SIPA1L2: variants seen among roughly 807,000 people sequenced by gnomAD.
The protein encoded by SIPA1L2 is signal induced proliferation associated 1 like 2.
Under a neutral mutation model 163.9 loss-of-function variants are expected in SIPA1L2, and 56 were observed. The observed-to-expected ratio is 0.34, with a 90% CI of 0.28 to 0.43. The LOEUF is 0.43. SIPA1L2 is among the 20% of genes least tolerant of loss of function. SIPA1L2 has a pLI of 1.00. For synonymous variants in SIPA1L2, 877 were observed against 865.7 expected (o/e 1.01, Z -0.23); for missense variants, 1,974 against 2,193.5 (o/e 0.90, Z 2.00).
At chr1:232,530,407 C>T (rs1259285266) in intron 2 of SIPA1L2, among the ~76,000 whole-genome samples, 2 of 152,196 alleles carry the variant, frequency 1.3e-5, no homozygotes, top group Non-Finnish European at 2.9e-5. Context: ...AGCCACCGTG[C>T]TGGGCCACCA....
chr1:232,613,696 A>AT (rs1042754470), intron 1 of SIPA1L2, among the ~76,000 whole-genome samples: 2 of 62,448 alleles, frequency 3.2e-5, no homozygotes, highest in South Asian at 1.0e-3. Flanking sequence ...CAAGAACAAA[A>AT]TTTATGTGTG....
intron 7 of SIPA1L2, among the ~76,000 whole-genome samples, chr1:232,474,112 G>A (rs79772287): frequency 2.6e-5 from 4 of 152,206 alleles, no homozygotes; most frequent in African/African-American, 7.2e-5. Context: ...ACAAACGAAC[G>A]CAGGCTGGCA....
chr1:232,403,688 G>T, intron 20 of SIPA1L2, 117 bp from the exon 21 acceptor site: 1 of 1,336,608 alleles, frequency 7.5e-7, no homozygotes, highest in Non-Finnish European at 1.0e-6. Context: ...ACCAGTTACT[G>T]CCTTGTTTTG....
At chr1:232,406,481 T>C (rs777191250) in intron 19 of SIPA1L2, among the ~76,000 whole-genome samples, 2 of 152,246 alleles carry the variant, frequency 1.3e-5, no homozygotes, top group Non-Finnish European at 2.9e-5. Flanking sequence ...ACAAGATGAA[T>C]AGTCAACAGG....
intron 1 of SIPA1L2, among the ~76,000 whole-genome samples, chr1:232,584,327 C>A (rs1367489974): frequency 6.6e-6 from 1 of 152,150 alleles, no homozygotes; most frequent in African/African-American, 2.4e-5. Context: ...CAGGTTCAAG[C>A]GATTCTCCTG....
At chr1:232,489,841 T>C (rs1488458336) in intron 5 of SIPA1L2, among the ~76,000 whole-genome samples, 1 of 152,240 alleles carries the variant, frequency 6.6e-6, no homozygotes, top group African/African-American at 2.4e-5. Context: ...GAGCATGTAC[T>C]GCTCAGTTTC....
chr1:232,616,595 A>G (rs1417603440), intron 1 of SIPA1L2, among the ~76,000 whole-genome samples: 1 of 152,220 alleles, frequency 6.6e-6, no homozygotes, highest in Non-Finnish European at 1.5e-5. Flanking sequence ...CACACGTGTC[A>G]GGTGGAGGAG....
chr1:232,605,879 T>A (rs1661891431), intron 1 of SIPA1L2, among the ~76,000 whole-genome samples: 1 of 152,214 alleles, frequency 6.6e-6, no homozygotes, highest in Admixed American at 6.5e-5. Flanking sequence ...CACACATACG[T>A]GCACTGCCTG....
At chr1:232,552,290 G>C (rs1464030584) in intron 2 of SIPA1L2, among the ~76,000 whole-genome samples, 1 of 152,080 alleles carries the variant, frequency 6.6e-6, no homozygotes, top group African/African-American at 2.4e-5. Context: ...TGGCATTACA[G>C]AATTTTCTTA....
chr1:232,449,297 T>A (rs1663408818), intron 10 of SIPA1L2, among the ~76,000 whole-genome samples: 1 of 151,840 alleles, frequency 6.6e-6, no homozygotes, highest in Non-Finnish European at 1.5e-5. Flanking sequence ...GGTGGGCGGA[T>A]CACGAGGTCA....
rs758507893 is a variant in SIPA1L2 at position 232,445,607 on chromosome 1, C to G, written c.3275G>C (p.Cys1092Ser). The change falls in exon 11 of 23, where the codon TGC (cysteine) becomes TCC (serine). Residue 1092 changes from cysteine (C) to serine (S), a missense_variant. Cys to Ser is a moderately radical substitution (Grantham distance 112). Transcript: ENST00000674635. Reference sequence around the variant, plus strand: ...CTGGGCCTGCTGGAGCAGCTGTTGGCACGGCAGCCGGTCGGGCGTGCCGGG... The same window carrying G: ...CTGGGCCTGCTGGAGCAGCTGTTGGGACGGCAGCCGGTCGGGCGTGCCGGG... ...PIPGTPDRLP[C>S]QQLLQQAQAA... 5.0e-6 allele frequency: 8 copies of G among 1,613,696 alleles called. No individual in the cohort carries two copies. The highest frequency in any genetic ancestry group is 6.8e-6 in the Non-Finnish European group (8 of 1,179,964).
intron 2 of SIPA1L2, among the ~76,000 whole-genome samples, chr1:232,516,280 C>T (rs1311714528): frequency 6.6e-6 from 1 of 152,192 alleles, no homozygotes; most frequent in African/African-American, 2.4e-5. Context: ...GTATCTGATA[C>T]ATCAAATACA....
chr1:232,602,693 G>C (rs1338694304), intron 1 of SIPA1L2, among the ~76,000 whole-genome samples: 1 of 152,178 alleles, frequency 6.6e-6, no homozygotes, highest in East Asian at 1.9e-4. Context: ...CGCAGAAAAT[G>C]CTGGCAGCAA....
rs538672514 is a variant in SIPA1L2 at position 232,602,260 on chromosome 1, G to C, written c.-319+27609C>G. Reference sequence around the variant, plus strand: ...CAAGGAGAGTGGTGTGGGAGGAGAGGGGAGGCTCTGAGGACCTACAGTCCA... The same window carrying C: ...CAAGGAGAGTGGTGTGGGAGGAGAGCGGAGGCTCTGAGGACCTACAGTCCA... On this transcript the variant is annotated intron_variant, in intron 1 of 22. Transcript: ENST00000674635. Among the ~76,000 whole-genome samples the C allele has an allele frequency of 5.8e-4, 89 of 152,246 alleles. 2 individuals carry two copies. The South Asian group carries it at 7.0e-3, about 12-fold the overall frequency.
chr1:232,581,837 C>T (rs977033974), intron 1 of SIPA1L2, among the ~76,000 whole-genome samples: 1 of 152,134 alleles, frequency 6.6e-6, no homozygotes, highest in Non-Finnish European at 1.5e-5. Context: ...GCATCCTTTG[C>T]GCCTAAAAGC....
rs938187273 is a variant in SIPA1L2, at chr1:232,439,413, A to G, written c.3726T>C (p.Phe1242=). Residue 1242 remains phenylalanine (F), a synonymous_variant, in exon 15 of 23, where the codon TTT becomes TTC. Transcript: ENST00000674635. ...CGGGGTCCATCAGGTCGCCAGACCC[A>G]AAGTGCTTGTCGTCACTGTTGCTGG... ...NTSSNSDDKH[F]GSGDLMDPEL... The G allele has an allele frequency of 1.2e-6, 2 of 1,614,108 alleles. No homozygotes were observed. The highest frequency in any genetic ancestry group is 2.7e-5 in the African/African-American group (2 of 74,940).
chr1:232,586,882 C>T (rs980413483), intron 1 of SIPA1L2, among the ~76,000 whole-genome samples: 1 of 152,194 alleles, frequency 6.6e-6, no homozygotes, highest in East Asian at 1.9e-4. Context: ...GGAAAGAACA[C>T]TGGTTGGCTT....
chr1:232,595,852 T>C (rs577371097), intron 1 of SIPA1L2, among the ~76,000 whole-genome samples: 1 of 152,352 alleles, frequency 6.6e-6, no homozygotes, highest in South Asian at 2.1e-4. Context: ...TCATTAGGAA[T>C]AGATGGAAAT....
intron 1 of SIPA1L2, among the ~76,000 whole-genome samples, chr1:232,584,796 T>A (rs1660568639): frequency 6.6e-6 from 1 of 152,186 alleles, no homozygotes. Flanking sequence ...AAGAGTTAGG[T>A]CAACCAGACA....
Sources: allele counts gnomAD v4.1 joint callset (sites outside exome capture counted in the v4.1 genomes callset), GRCh38; gene constraint gnomAD v4.1.1; transcripts MANE v1.5; gene names NCBI Gene and HGNC (gene_info 2026-07-23, HGNC 2026-07-21).